PLXDC2: variants seen among roughly 807,000 people sequenced by gnomAD.
PLXDC2 encodes the protein plexin domain containing 2.
Under a neutral mutation model 68.9 loss-of-function variants are expected in PLXDC2, and 40 were observed. That is an observed-to-expected ratio of 0.58 (90% CI 0.45 to 0.76). The LOEUF (loss-of-function observed/expected upper bound fraction) is 0.76, where lower values mean the gene tolerates loss of function less well. PLXDC2 is among the 30% of genes least tolerant of loss of function. PLXDC2 has a pLI of 0.00. For missense variants in PLXDC2, 644 were observed against 661.9 expected (o/e 0.97, Z 0.30); for synonymous variants, 243 against 234.2 (o/e 1.04, Z -0.34).
At chr10:19,987,324 G>A (rs144961854) in intron 1 of PLXDC2, among the ~76,000 whole-genome samples, 138 of 152,120 alleles carry the variant, frequency 9.1e-4, no homozygotes, top group South Asian at 1.2e-3. Flanking sequence ...AAACAATGTC[G>A]CTTTCTTTTT....
intron 1 of PLXDC2, among the ~76,000 whole-genome samples, chr10:19,841,807 A>T (rs1039425526): frequency 5.9e-5 from 9 of 152,168 alleles, no homozygotes; most frequent in African/African-American, 2.2e-4. Flanking sequence ...ATTTATATCT[A>T]ATGTGCCTGT....
At chr10:19,912,460 C>T (rs187067766) in intron 1 of PLXDC2, among the ~76,000 whole-genome samples, 2 of 152,176 alleles carry the variant, frequency 1.3e-5, no homozygotes, top group East Asian at 1.9e-4. Flanking sequence ...AGTTATCAAA[C>T]ATCTCTTATG....
At chr10:20,262,942 G>A (rs999976064) in intron 13 of PLXDC2, among the ~76,000 whole-genome samples, 6 of 152,222 alleles carry the variant, frequency 3.9e-5, no homozygotes, top group Non-Finnish European at 8.8e-5. Flanking sequence ...AGAGCCTCCA[G>A]GGACATCTGA....
chr10:19,837,228 G>T (rs1445847442), intron 1 of PLXDC2, among the ~76,000 whole-genome samples: 1 of 151,816 alleles, frequency 6.6e-6, no homozygotes, highest in Non-Finnish European at 1.5e-5. Flanking sequence ...AAAAAGAAAT[G>T]AAGTGAAATA....
intron 2 of PLXDC2, among the ~76,000 whole-genome samples, chr10:20,037,519 G>A (rs1031954744): frequency 6.6e-6 from 1 of 151,982 alleles, no homozygotes; most frequent in East Asian, 1.9e-4. Flanking sequence ...CTCCATGCCT[G>A]GAAATAGTCT....
chr10:19,908,615 AG>A (rs1833212930), intron 1 of PLXDC2, among the ~76,000 whole-genome samples: 1 of 152,174 alleles, frequency 6.6e-6, no homozygotes, highest in African/African-American at 2.4e-5. Flanking sequence ...AGGTATTCTC[AG>A]GGATCAGTTA....
intron 12 of PLXDC2, among the ~76,000 whole-genome samples, chr10:20,221,467 T>A (rs1835211486): frequency 2.0e-5 from 3 of 152,190 alleles, no homozygotes; most frequent in Admixed American, 2.0e-4. Context: ...TTCAGACTCT[T>A]CTTATATCTA....
intron 13 of PLXDC2, among the ~76,000 whole-genome samples, chr10:20,246,133 T>C (rs1215240762): frequency 6.6e-6 from 1 of 152,216 alleles, no homozygotes; most frequent in African/African-American, 2.4e-5. Flanking sequence ...AAGTGTTATG[T>C]CTTCATGTAC....
intron 6 of PLXDC2, among the ~76,000 whole-genome samples, chr10:20,160,448 GT>G (rs1399278310): frequency 6.6e-6 from 1 of 152,046 alleles, no homozygotes; most frequent in Admixed American, 6.6e-5. Flanking sequence ...TATCATTTTA[GT>G]TTGTATCGTT....
At position 20,031,685 on chromosome 10, in the gene PLXDC2, G is replaced by A. The variant is rs11011751; in HGVS notation, c.325-15184G>A. Among the ~76,000 whole-genome samples, 1,178 of 152,186 alleles carry A rather than the reference G, an allele frequency of 7.7e-3. 14 individuals carry two copies. Among genetic ancestry groups the A allele is most frequent in the African/African-American group, 0.027 (1,109 of 41,504 alleles). ...GGAGGTGACAAAGCCAAATAAATTAGCCTTGTAAAATATAAAGAAGCGCTA... is the reference window on the plus strand; with the variant it reads ...GGAGGTGACAAAGCCAAATAAATTAACCTTGTAAAATATAAAGAAGCGCTA... On this transcript the variant is annotated intron_variant, in intron 2 of 13. Transcript: ENST00000377252.
intron 9 of PLXDC2, among the ~76,000 whole-genome samples, chr10:20,192,703 A>C (rs545491043): frequency 6.6e-6 from 1 of 152,174 alleles, no homozygotes; most frequent in Non-Finnish European, 1.5e-5. Context: ...ACCTATGAAA[A>C]GAGAGAATAA....
At chr10:20,226,143 C>T (rs1305023759) in intron 12 of PLXDC2, among the ~76,000 whole-genome samples, 1 of 152,174 alleles carries the variant, frequency 6.6e-6, no homozygotes, top group African/African-American at 2.4e-5. Context: ...TTTCCTGAAA[C>T]AGTATTTTAA....
chr10:20,151,135 T>C (rs1834147194), intron 6 of PLXDC2, among the ~76,000 whole-genome samples: 1 of 152,236 alleles, frequency 6.6e-6, no homozygotes, highest in Admixed American at 6.5e-5. Flanking sequence ...CAATAATTGT[T>C]ATGTATTTTA....
chr10:20,011,682 A>G (rs1444225279), intron 2 of PLXDC2, among the ~76,000 whole-genome samples: 1 of 152,208 alleles, frequency 6.6e-6, no homozygotes, highest in Non-Finnish European at 1.5e-5. Flanking sequence ...CAGAATCACA[A>G]ATGGAATAAT....
Position 20,177,039 on chromosome 10 carries a change from G to C in PLXDC2, c.924G>C (p.Glu308Asp). The stretch of plus-strand genomic sequence containing the variant: ...CAATTTATGAATACCACCGAGTAGA[G>C]CTACAAATGTCAAAAATTACCAACA... Reference protein sequence around the residue: ...RRTIYEYHRVELQMSKITNIS... With the variant: ...RRTIYEYHRVDLQMSKITNIS... Residue 308 changes from glutamate (E) to aspartate (D), a missense_variant, in exon 8 of 14, where the codon GAG (glutamate) becomes GAC (aspartate). Glu to Asp is a conservative substitution (Grantham distance 45, BLOSUM62 2). Around this residue, in one of 3 missense-constraint regions of PLXDC2, gnomAD observed 330 missense variants for 327.9 expected, o/e 1.01. Coordinates refer to ENST00000377252, the MANE Select transcript of PLXDC2 (RefSeq NM_032812.9). 1 of 1,611,904 alleles carries C rather than the reference G, an allele frequency of 6.2e-7. No individual in the cohort carries two copies.
At position 20,068,283 on chromosome 10, in the gene PLXDC2, G is replaced by C. The variant is rs376734661; in HGVS notation, c.541+44G>C. 4 of 1,447,022 alleles carry C rather than the reference G, an allele frequency of 2.8e-6. No individual in the cohort carries two copies. The African/African-American group carries it at 5.7e-5, about 20-fold the overall frequency. 89.6% of individuals were successfully genotyped at this position (1,447,022 alleles called of 1,614,324 possible). ...ATTCACCTTAAGTAATCTATGGTTT[G>C]ACTGCAGTTATTATTTTTAAGTTAC... is the stretch of plus-strand genomic sequence containing the variant. On this transcript the variant is annotated intron_variant, in intron 4 of 13. Coordinates refer to ENST00000377252, the MANE Select transcript of PLXDC2 (RefSeq NM_032812.9).
chr10:20,071,711 A>T (rs529777849), intron 4 of PLXDC2, among the ~76,000 whole-genome samples: 1 of 152,330 alleles, frequency 6.6e-6, no homozygotes, highest in African/African-American at 2.4e-5. Flanking sequence ...CATGCTGCGA[A>T]TAAGCAATAG....
At chr10:19,844,608 T>C (rs918757058) in intron 1 of PLXDC2, among the ~76,000 whole-genome samples, 1 of 151,958 alleles carries the variant, frequency 6.6e-6, no homozygotes, top group Non-Finnish European at 1.5e-5. Flanking sequence ...TTTTTTTTCT[T>C]TTTTCTTTTT....
chr10:20,217,298 CA>C, intron 10 of PLXDC2, 127 bp from the exon 11 acceptor site: 2 of 802,708 alleles, frequency 2.5e-6, no homozygotes, highest in South Asian at 5.8e-5. Context: ...TAGTCTTGTA[CA>C]AAAGTAATTT....
Sources: allele counts gnomAD v4.1 joint callset (sites outside exome capture counted in the v4.1 genomes callset), GRCh38; gene constraint gnomAD v4.1.1; regional missense constraint gnomAD v4.1.1; transcripts MANE v1.5; gene names NCBI Gene and HGNC (gene_info 2026-07-23, HGNC 2026-07-21).